The following ACTR3B variants were observed in gnomAD, a reference collection of about 807,000 sequenced individuals.
ACTR3B encodes the protein actin related protein 3B.
A neutral mutation model predicts 59.0 loss-of-function variants in ACTR3B; 8 were observed. The ratio of observed to expected loss-of-function variants is 0.14; its 90% CI spans 0.08 to 0.24. ACTR3B has a LOEUF of 0.24. Ranked by LOEUF, ACTR3B falls within the 10% of genes least tolerant of loss-of-function variation. The pLI, the probability that ACTR3B is intolerant of heterozygous loss-of-function variation, is 1.00. For missense variants in ACTR3B, 245 were observed against 552.3 expected, an observed-to-expected ratio of 0.44 and a Z score of 5.58; for synonymous variants, 148 against 197.9, an observed-to-expected ratio of 0.75 and a Z score of 2.12.
At chr7:152,760,199 C>A (rs1287001516) in intron 1 of ACTR3B, among the ~76,000 whole-genome samples, 1 of 152,212 alleles carries the variant, frequency 6.6e-6, no homozygotes, top group East Asian at 1.9e-4. Flanking sequence ...CCTCGCCTCC[C>A]CCGCCCACGT....
At chr7:152,773,312 A>T (rs2098128679) in intron 1 of ACTR3B, among the ~76,000 whole-genome samples, 1 of 152,038 alleles carries the variant, frequency 6.6e-6, no homozygotes, top group Admixed American at 6.6e-5. Context: ...AAGGGGCCAG[A>T]CGCAGTGGCT....
intron 4 of ACTR3B, chr7:152,814,218 C>T: frequency 4.0e-6 from 1 of 251,056 alleles, no homozygotes; most frequent in Non-Finnish European, 7.6e-6. Context: ...GTTGTGTTTT[C>T]ATAGCCCTTG....
chr7:152,762,680 C>T (rs1033480948), intron 1 of ACTR3B, among the ~76,000 whole-genome samples: 1 of 152,126 alleles, frequency 6.6e-6, no homozygotes, highest in Non-Finnish European at 1.5e-5. Flanking sequence ...TGGAATGTCA[C>T]CCATGAAAGA....
At chr7:152,788,187 A>ACCTCATGATCCTCCTGC (rs2098180994) in intron 2 of ACTR3B, among the ~76,000 whole-genome samples, 1 of 151,282 alleles carries the variant, frequency 6.6e-6, no homozygotes, top group Non-Finnish European at 1.5e-5. Context: ...GGAACTCCTG[A>ACCTCATGATCCTCCTGC]CCTCATGATC....
intron 1 of ACTR3B, among the ~76,000 whole-genome samples, chr7:152,778,888 A>C (rs1358346920): frequency 7.9e-6 from 1 of 126,362 alleles, no homozygotes; most frequent in African/African-American, 3.0e-5. Flanking sequence ...GGCTGCAGTG[A>C]GCCGTGATCA....
intron 9 of ACTR3B, among the ~76,000 whole-genome samples, chr7:152,850,775 G>A (rs1798743659): frequency 6.6e-6 from 1 of 151,758 alleles, no homozygotes; most frequent in South Asian, 2.1e-4. Flanking sequence ...TTTTTTTTCC[G>A]TGCTGATTCC....
At chr7:152,841,896 G>C (rs1046561233) in intron 9 of ACTR3B, among the ~76,000 whole-genome samples, 1 of 152,244 alleles carries the variant, frequency 6.6e-6, no homozygotes, top group Non-Finnish European at 1.5e-5. Flanking sequence ...TCAACTTTGA[G>C]ATATAATTTA....
rs561635720 is a variant in ACTR3B, at chr7:152,818,526, C to T, written c.541-1773C>T. 1.3e-3 allele frequency among the ~76,000 whole-genome samples: 198 copies of T among 152,310 alleles called. 1 individual carries two copies. The highest frequency in any genetic ancestry group is 4.6e-3 in the African/African-American group (190 of 41,572). On this transcript the variant is annotated intron_variant, in intron 6 of 11. Transcript: ENST00000256001. The stretch of plus-strand genomic sequence containing the variant: ...AGTGCAATGGCACGATCTCGGCACA[C>T]TGCAACCTCTGCCTCCCAGGTTCAA...
At chr7:152,830,829 G>A (rs188880823) in intron 9 of ACTR3B, among the ~76,000 whole-genome samples, 196 of 152,288 alleles carry the variant, frequency 1.3e-3, no homozygotes, top group Non-Finnish European at 1.7e-3. Flanking sequence ...GATTATAGGC[G>A]TGAACCACTG....
At chr7:152,810,132 A>T (rs1461746238) in intron 4 of ACTR3B, among the ~76,000 whole-genome samples, 1 of 151,908 alleles carries the variant, frequency 6.6e-6, no homozygotes, top group East Asian at 1.9e-4. Context: ...TTTGAGATGG[A>T]GTTAACTCTT....
intron 9 of ACTR3B, among the ~76,000 whole-genome samples, chr7:152,842,729 C>G (rs1376758904): frequency 2.0e-5 from 3 of 152,134 alleles, no homozygotes; most frequent in Non-Finnish European, 4.4e-5. Flanking sequence ...TACAAAAAAC[C>G]CTGCTATGAA....
At chr7:152,800,390 C>G (rs1044963215) in intron 2 of ACTR3B, 141 bp from the exon 3 acceptor site, 188 of 1,133,486 alleles carry the variant, frequency 1.7e-4, no homozygotes, top group Non-Finnish European at 2.2e-4. Context: ...TTGACATTGT[C>G]TTTTCTGTGA....
chr7:152,812,563 T>C (rs1217386946), intron 4 of ACTR3B: 3 of 139,362 alleles, frequency 2.2e-5, no homozygotes, highest in Non-Finnish European at 4.7e-5. Flanking sequence ...ACACATAATG[T>C]GCATATTTAT....
rs544767357 is a variant in ACTR3B, at chr7:152,796,417, A to G, written c.101-4114A>G. ...CCGCCAGTCACAAATTTGGTCTCCA[A>G]TTTGGTATAGATAATATTGTTTATT... On this transcript the variant is annotated intron_variant, in intron 2 of 11. Transcript: ENST00000256001. Among the ~76,000 whole-genome samples, 52 of 148,554 alleles carry G rather than the reference A, an allele frequency of 3.5e-4. 1 individual carries two copies. The South Asian group carries it at 0.01, about 29-fold the overall frequency.
intron 1 of ACTR3B, among the ~76,000 whole-genome samples, chr7:152,774,004 T>C (rs2098130537): frequency 6.6e-6 from 1 of 152,224 alleles, no homozygotes; most frequent in African/African-American, 2.4e-5. Context: ...CGTTCTCAGC[T>C]CTTGCCCCTG....
chr7:152,796,084 A>G (rs1467366037), intron 2 of ACTR3B, among the ~76,000 whole-genome samples: 1 of 152,068 alleles, frequency 6.6e-6, no homozygotes, highest in East Asian at 1.9e-4. Flanking sequence ...ATCTCAGGTG[A>G]TCTACCCGCC....
intron 2 of ACTR3B, among the ~76,000 whole-genome samples, chr7:152,799,838 C>T (rs2098229201): frequency 6.6e-6 from 1 of 152,182 alleles, no homozygotes; most frequent in African/African-American, 2.4e-5. Context: ...TGATGCCCTC[C>T]ACATTTCATT....
intron 4 of ACTR3B, among the ~76,000 whole-genome samples, chr7:152,809,636 G>A (rs1385954288): frequency 6.6e-6 from 1 of 151,976 alleles, no homozygotes; most frequent in Non-Finnish European, 1.5e-5. Context: ...CCGCCTCCCG[G>A]GTTCAAGCAA....
chr7:152,800,493 A>T, intron 2 of ACTR3B, 38 bp from the exon 3 acceptor site: 1 of 1,606,532 alleles, frequency 6.2e-7, no homozygotes, highest in Non-Finnish European at 8.5e-7. Context: ...ATAGATATGG[A>T]TAGTGATAGA....
Sources: gnomAD v4.1 joint callset for allele counts (sites outside exome capture counted in the v4.1 genomes callset) on GRCh38, gnomAD v4.1.1 for gene constraint, MANE v1.5 for transcripts, NCBI Gene and HGNC (gene_info 2026-07-23, HGNC 2026-07-21) for gene names.